The following KCNT2 variants were observed in gnomAD, a reference collection of about 807,000 sequenced individuals.
KCNT2 encodes the protein potassium sodium-activated channel subfamily T member 2, also known as potassium channel subfamily T member 2.
A neutral mutation model predicts 153.8 loss-of-function variants in KCNT2; 67 were observed. The ratio of observed to expected loss-of-function variants is 0.44; its 90% CI spans 0.36 to 0.53. The LOEUF (loss-of-function observed/expected upper bound fraction) is 0.53. Among genes scored for constraint, KCNT2 ranks in the 20% least tolerant of loss-of-function variants. KCNT2 has a pLI of 0.00. For missense variants in KCNT2, 975 were observed against 1,354.8 expected (o/e 0.72, Z 4.40); for synonymous variants, 500 against 458.8 (o/e 1.09, Z -1.15).
At chr1:196,554,816 T>A (rs899226533) in intron 1 of KCNT2, among the ~76,000 whole-genome samples, 3 of 151,294 alleles carry the variant, frequency 2.0e-5, no homozygotes, top group Middle Eastern at 3.2e-3. Flanking sequence ...ATCCCAGGGA[T>A]GAAAAGTTGG....
At position 196,493,527 on chromosome 1, in the gene KCNT2, T is replaced by C. The variant is rs76514405; in HGVS notation, c.96-1186A>G. Among the ~76,000 whole-genome samples the C allele has an allele frequency of 6.7e-3, 1,016 of 152,292 alleles. 11 individuals carry two copies. Among genetic ancestry groups the C allele is most frequent in the African/African-American group, 0.023 (973 of 41,556 alleles). On this transcript the variant is annotated intron_variant, in intron 1 of 27. Coordinates refer to ENST00000294725, the MANE Select transcript of KCNT2 (RefSeq NM_198503.5). ...CCATGAATAGTTTTAAAGCAGTTTA[T>C]TGTGTCACAAAAGCAACAGGGCATT... is the stretch of plus-strand genomic sequence containing the variant.
At chr1:196,310,710 C>G (rs961918764) in intron 21 of KCNT2, among the ~76,000 whole-genome samples, 3 of 151,868 alleles carry the variant, frequency 2.0e-5, no homozygotes, top group African/African-American at 7.2e-5. Context: ...CTTCTATGCT[C>G]TTATAGTTGT....
intron 1 of KCNT2, among the ~76,000 whole-genome samples, chr1:196,499,344 A>C (rs1250728480): frequency 6.6e-6 from 1 of 152,228 alleles, no homozygotes; most frequent in Non-Finnish European, 1.5e-5. Context: ...TGGTGACAAC[A>C]CCAGTTCTCA....
intron 10 of KCNT2, among the ~76,000 whole-genome samples, chr1:196,426,355 T>A (rs2148531418): frequency 6.6e-6 from 1 of 152,158 alleles, no homozygotes; most frequent in Non-Finnish European, 1.5e-5. Flanking sequence ...AGCATTTAAG[T>A]ATCAATTCAT....
chr1:196,510,904 A>C (rs1572686071), intron 1 of KCNT2, among the ~76,000 whole-genome samples: 1 of 152,156 alleles, frequency 6.6e-6, no homozygotes, highest in African/African-American at 2.4e-5. Context: ...ATTTCATAGT[A>C]ACTCTACCTG....
chr1:196,492,160 T>A (rs1679905352), intron 2 of KCNT2, 102 bp downstream of exon 2: 1 of 1,163,974 alleles, frequency 8.6e-7, no homozygotes, highest in Admixed American at 4.3e-5. Flanking sequence ...AATAACCAAT[T>A]TTATTCCTCT....
chr1:196,374,804 A>G (rs1230743867), intron 13 of KCNT2, among the ~76,000 whole-genome samples: 1 of 151,858 alleles, frequency 6.6e-6, no homozygotes, highest in Non-Finnish European at 1.5e-5. Flanking sequence ...ATCATATGAT[A>G]TCAATACATA....
chr1:196,341,995 T>C, intron 15 of KCNT2, 84 bp downstream of exon 15: 6 of 1,385,162 alleles, frequency 4.3e-6, no homozygotes, highest in Middle Eastern at 2.4e-4. Flanking sequence ...ATGAACACAA[T>C]ATGCATTCTA....
intron 1 of KCNT2, among the ~76,000 whole-genome samples, chr1:196,568,008 A>T (rs1235876860): frequency 1.3e-5 from 2 of 152,192 alleles, no homozygotes; most frequent in Non-Finnish European, 2.9e-5. Context: ...AACAAAACCA[A>T]AAAATCCTAA....
chr1:196,277,597 C>G (rs773983855), intron 25 of KCNT2, among the ~76,000 whole-genome samples: 2 of 152,074 alleles, frequency 1.3e-5, no homozygotes, highest in Non-Finnish European at 2.9e-5. Context: ...AAATTGAGAT[C>G]TGACAGCAAC....
intron 12 of KCNT2, among the ~76,000 whole-genome samples, chr1:196,408,238 T>C (rs1325512899): frequency 1.3e-5 from 2 of 151,468 alleles, no homozygotes; most frequent in African/African-American, 4.8e-5. Flanking sequence ...TGGACGAAAG[T>C]TTTACACCCT....
At chr1:196,498,522 T>C (rs1021010574) in intron 1 of KCNT2, among the ~76,000 whole-genome samples, 5 of 152,316 alleles carry the variant, frequency 3.3e-5, no homozygotes, top group Admixed American at 1.3e-4. Flanking sequence ...ATTATCTGCC[T>C]GGACCTTCTG....
At chr1:196,588,924 G>T (rs1372091725) in intron 1 of KCNT2, among the ~76,000 whole-genome samples, 1 of 151,682 alleles carries the variant, frequency 6.6e-6, no homozygotes, top group African/African-American at 2.4e-5. Flanking sequence ...AATTTATTTA[G>T]TAAATGAAGA....
chr1:196,558,923 T>C (rs2148916972), intron 1 of KCNT2, among the ~76,000 whole-genome samples: 1 of 151,648 alleles, frequency 6.6e-6, no homozygotes, highest in Non-Finnish European at 1.5e-5. Context: ...AATATCTTTG[T>C]AAACAAGTAA....
chr1:196,555,556 T>C (rs1658528438), intron 1 of KCNT2, among the ~76,000 whole-genome samples: 1 of 151,456 alleles, frequency 6.6e-6, no homozygotes, highest in East Asian at 1.9e-4. Context: ...AGAATCAATA[T>C]TGTTAAAATG....
chr1:196,597,165 T>A (rs192607931), intron 1 of KCNT2, among the ~76,000 whole-genome samples: 1 of 152,268 alleles, frequency 6.6e-6, no homozygotes, highest in East Asian at 1.9e-4. Context: ...GGACAGCCAT[T>A]CTATTATAGT....
rs151036237 is a variant in KCNT2, at chr1:196,261,087, C to T, written c.2911-2593G>A. ...GGAGGTCCATTTATAAATATACTTT[C>T]CTGATGTCATTTCTTCTTCTAGTTG... On this transcript the variant is annotated intron_variant, in intron 25 of 27. Coordinates refer to ENST00000294725, the MANE Select transcript of KCNT2 (RefSeq NM_198503.5). Among the ~76,000 whole-genome samples, 1,205 of 151,758 alleles carry T rather than the reference C, an allele frequency of 7.9e-3. 8 individuals are homozygous for T. The highest frequency in any genetic ancestry group is 0.024 in the Middle Eastern group (7 of 294).
At position 196,464,128 on chromosome 1, in the gene KCNT2, T is replaced by C. The variant is rs533360105; in HGVS notation, c.638+1165A>G. Among the ~76,000 whole-genome samples, 237 of 151,968 alleles carry C rather than the reference T, an allele frequency of 1.6e-3. 2 individuals carry two copies. The highest frequency in any genetic ancestry group is 8.3e-3 in the South Asian group (40 of 4,830). The stretch of plus-strand genomic sequence containing the variant: ...GTTAGATGAGAAAACACTCCTAAGT[T>C]GCCCAAATAATGTTATTATATTGAA... On this transcript the variant is annotated intron_variant, in intron 8 of 27. Transcript: ENST00000294725.
intron 26 of KCNT2, among the ~76,000 whole-genome samples, chr1:196,254,884 G>A (rs1656321636): frequency 6.6e-6 from 1 of 151,452 alleles, no homozygotes; most frequent in South Asian, 2.1e-4. Context: ...GTATAATAAA[G>A]GACAAGCCTA....
Sources: gnomAD v4.1 joint callset for allele counts (sites outside exome capture counted in the v4.1 genomes callset) on GRCh38, gnomAD v4.1.1 for gene constraint, MANE v1.5 for transcripts, NCBI Gene and HGNC (gene_info 2026-07-23, HGNC 2026-07-21) for gene names.